The following MATR3 variants were observed in gnomAD, a reference collection of about 807,000 sequenced individuals.
MATR3 encodes the protein matrin 3.
Under a neutral mutation model 85.5 loss-of-function variants are expected in MATR3, and 4 were observed. That is an observed-to-expected ratio of 0.05 (90% CI 0.02 to 0.11). The LOEUF (loss-of-function observed/expected upper bound fraction) is 0.11, where lower values mean the gene tolerates loss of function less well. Among genes scored for constraint, MATR3 ranks in the 10% least tolerant of loss-of-function variants. The pLI is 1.00. For synonymous variants in MATR3, 336 were observed against 343.1 expected, an observed-to-expected ratio of 0.98 and a Z score of 0.23; for missense variants, 685 against 1,016.1, an observed-to-expected ratio of 0.67 and a Z score of 4.43.
exon 3 of MATR3, chr5:139,279,075 C>T (rs1753413470): frequency 4.3e-6 from 2 of 459,850 alleles, no homozygotes; most frequent in South Asian, 1.5e-5. Context: ...ATGACATCTA[C>T]CTCCATCAGG....
chr5:139,318,421 A>G (rs1755366515), intron 7 of MATR3, among the ~76,000 whole-genome samples: 2 of 151,988 alleles, frequency 1.3e-5, no homozygotes, highest in African/African-American at 2.4e-5. Context: ...GGCGTCGGCC[A>G]TTACACCCGG....
At chr5:139,286,188 GT>G (rs1478195271) in intron 3 of MATR3, among the ~76,000 whole-genome samples, 1 of 151,794 alleles carries the variant, frequency 6.6e-6, no homozygotes, top group African/African-American at 2.4e-5. Flanking sequence ...TAAGTTTTCT[GT>G]TTTTAAGTAG....
intron 6 of MATR3, 42 bp downstream of exon 6, chr5:139,317,147 T>G (rs1387667554): frequency 6.3e-7 from 1 of 1,582,354 alleles, no homozygotes; most frequent in Non-Finnish European, 8.7e-7. Flanking sequence ...TTATGATTTT[T>G]GGGAATATGA....
Position 139,331,553 on chromosome 5 carries a change from A to T in MATR3, c.*2158A>T, listed in dbSNP as rs771889318. 4 of 454,038 alleles carry T rather than the reference A, an allele frequency of 8.8e-6. No individual in the cohort carries two copies. Among genetic ancestry groups the T allele is most frequent in the African/African-American group, 4.0e-5 (2 of 50,028 alleles). The allele number at this position is 454,038 out of a possible 1,614,324, so 28.1% of individuals were successfully genotyped here. A position where few individuals can be genotyped will look rare whatever the true frequency, so the allele number is the denominator to read the frequency against. On this transcript the variant is annotated 3_prime_UTR_variant, in exon 15 of 15. Transcript: ENST00000394805. The stretch of plus-strand genomic sequence containing the variant: ...TTCGATTACGAGAAAACCTCTTTTT[A>T]GTAGGAATGTTTCCACTCATGTTTG...
At chr5:139,321,678 G>C (rs1305020462) in intron 9 of MATR3, 9 of 556,418 alleles carry the variant, frequency 1.6e-5, no homozygotes, top group Non-Finnish European at 2.9e-5. Flanking sequence ...TAGCTACTGG[G>C]GGGCTAAGGT....
At position 139,330,858 on chromosome 5, in the gene MATR3, C is replaced by G. The variant is rs1756107548; in HGVS notation, c.*1463C>G. On this transcript the variant is annotated 3_prime_UTR_variant, in exon 15 of 15. Coordinates refer to ENST00000394805, the MANE Select transcript of MATR3 (RefSeq NM_018834.6). Reference sequence around the variant, plus strand: ...TGTCACCCAGACTGGAGTGCAGTGGCACAGTTCTCTGCAACCTCAGCCTTT... The same window carrying G: ...TGTCACCCAGACTGGAGTGCAGTGGGACAGTTCTCTGCAACCTCAGCCTTT... 4.4e-6 allele frequency: 2 copies of G among 453,828 alleles called. No homozygotes were observed. The allele number at this position is 453,828 out of a possible 1,614,324, so 28.1% of individuals were successfully genotyped here. A position where few individuals can be genotyped will look rare whatever the true frequency, so the allele number is the denominator to read the frequency against.
chr5:139,322,677 A>G lies in MATR3; in HGVS notation c.1858A>G (p.Ser620Gly), dbSNP rs1189204858. ...SKTDGSQKTE[S>G]STEGKEQEEK... ...AACTGATGGTTCCCAGAAGACTGAG[A>G]GTTCAACCGAAGGTAAAGAACAAGA... Residue 620 changes from serine to glycine, a missense_variant, in exon 12 of 15, where the codon AGT becomes GGT. Physicochemically the swap from Ser to Gly is moderately conservative, Grantham distance 56. Coordinates refer to ENST00000394805, the MANE Select transcript of MATR3 (RefSeq NM_018834.6). The G allele has an allele frequency of 6.2e-7, 1 of 1,614,072 alleles. No homozygotes were observed. Among genetic ancestry groups the G allele is most frequent in the Non-Finnish European group, 8.5e-7 (1 of 1,180,008 alleles).
At chr5:139,274,104 T>C (rs1394356229) in exon 1 of MATR3, 1 of 451,328 alleles carries the variant, frequency 2.2e-6, no homozygotes. Context: ...CCGGCTGCCC[T>C]TTCCCCTCCG....
At position 139,294,115 on chromosome 5, in the gene MATR3, C is replaced by A. The variant is rs549545267; in HGVS notation, c.-178+310C>A. ...TGGGTGAAGAGGTGCGCTGACCGGC[C>A]GAGCTTCCTGCGCGTCCTGGGCTCG... On this transcript the variant is annotated intron_variant, in intron 1 of 14. Coordinates refer to ENST00000394805, the MANE Select transcript of MATR3 (RefSeq NM_018834.6). The A allele has an allele frequency of 1.9e-5, 22 of 1,188,610 alleles. No individual in the cohort carries two copies. The African/African-American group carries it at 3.3e-4, about 18-fold the overall frequency. 73.6% of individuals were successfully genotyped at this position (1,188,610 alleles called of 1,614,324 possible).
chr5:139,279,664 C>G (rs1437195465), intron 3 of MATR3: 1 of 153,714 alleles, frequency 6.5e-6, no homozygotes, highest in Non-Finnish European at 1.4e-5. Context: ...CTACCACGCC[C>G]AGCTAATTTT....
intron 2 of MATR3, among the ~76,000 whole-genome samples, chr5:139,277,570 G>A (rs1440604436): frequency 6.6e-6 from 1 of 152,074 alleles, no homozygotes; most frequent in East Asian, 1.9e-4. Flanking sequence ...GGGATGGTTA[G>A]CTTTATAGTA....
chr5:139,304,656 A>G (rs1757597242), intron 1 of MATR3, among the ~76,000 whole-genome samples: 1 of 152,214 alleles, frequency 6.6e-6, no homozygotes, highest in Non-Finnish European at 1.5e-5. Flanking sequence ...ACTAGTATAT[A>G]GAGATTTTAA....
chr5:139,286,800 T>C (rs749866985), intron 3 of MATR3, among the ~76,000 whole-genome samples: 3 of 150,218 alleles, frequency 2.0e-5, no homozygotes, highest in Admixed American at 6.7e-5. Flanking sequence ...GCCAAGATCA[T>C]GCCACTATAC....
chr5:139,306,751 C>G (rs1402274740), intron 1 of MATR3, among the ~76,000 whole-genome samples: 1 of 152,162 alleles, frequency 6.6e-6, no homozygotes, highest in African/African-American at 2.4e-5. Context: ...TACTTGAAAC[C>G]TAAGCTTCAT....
At chr5:139,309,483 T>C (rs971188977) in intron 2 of MATR3, among the ~76,000 whole-genome samples, 1 of 152,164 alleles carries the variant, frequency 6.6e-6, no homozygotes, top group East Asian at 1.9e-4. Flanking sequence ...GTAGACTAAA[T>C]CATACCATTG....
At chr5:139,280,838 A>C (rs1289040810) in intron 3 of MATR3, among the ~76,000 whole-genome samples, 1 of 29,338 alleles carries the variant, frequency 3.4e-5, no homozygotes, top group Non-Finnish European at 5.7e-5. Context: ...TAGATAATTC[A>C]TTGGTATTCC....
intron 2 of MATR3, among the ~76,000 whole-genome samples, chr5:139,277,162 CAA>C (rs1753314313): frequency 6.8e-6 from 1 of 147,184 alleles, no homozygotes; most frequent in Non-Finnish European, 1.5e-5. Flanking sequence ...TTTGTAGAGA[CAA>C]AGTCTCATTA....
chr5:139,306,401 C>G (rs944140570), intron 1 of MATR3, among the ~76,000 whole-genome samples: 1 of 151,948 alleles, frequency 6.6e-6, no homozygotes, highest in Admixed American at 6.6e-5. Flanking sequence ...GTGCTGTAGC[C>G]CTGAGCATTA....
At chr5:139,323,258 T>C (rs961036531) in intron 12 of MATR3, among the ~76,000 whole-genome samples, 4 of 152,082 alleles carry the variant, frequency 2.6e-5, no homozygotes, top group Non-Finnish European at 4.4e-5. Context: ...AGTGGTAGCA[T>C]ATAGGTAGGC....
Sources: allele counts gnomAD v4.1 joint callset (sites outside exome capture counted in the v4.1 genomes callset), GRCh38; gene constraint gnomAD v4.1.1; transcripts MANE v1.5; gene names NCBI Gene and HGNC (gene_info 2026-07-23, HGNC 2026-07-21).